EHMT1: variants seen among roughly 807,000 people sequenced by gnomAD.
EHMT1 encodes the protein euchromatic histone lysine methyltransferase 1, also known as histone-lysine N-methyltransferase EHMT1.
Under a neutral mutation model 147.2 loss-of-function variants are expected in EHMT1, and 15 were observed. The ratio of observed to expected loss-of-function variants is 0.10; its 90% CI spans 0.07 to 0.16. The LOEUF (loss-of-function observed/expected upper bound fraction) is 0.16. Among genes scored for constraint, EHMT1 ranks in the 10% least tolerant of loss-of-function variants. EHMT1 has a pLI of 1.00. For synonymous variants in EHMT1, 795 were observed against 709.6 expected (o/e 1.12, Z -1.91); for missense variants, 1,587 against 1,772.4 (o/e 0.90, Z 1.88).
intron 10 of EHMT1, chr9:137,764,010 G>A (rs1950043195): frequency 1.3e-5 from 2 of 152,656 alleles, no homozygotes; most frequent in Admixed American, 1.3e-4. Context: ...GATTCAGCAG[G>A]TCTGGCCTGG....
intron 3 of EHMT1, among the ~76,000 whole-genome samples, chr9:137,720,289 C>T (rs1403506141): frequency 6.6e-6 from 1 of 151,978 alleles, no homozygotes; most frequent in Non-Finnish European, 1.5e-5. Context: ...CTGCAGATTC[C>T]ATTTTTATAA....
At chr9:137,723,475 C>T (rs1465031088) in intron 3 of EHMT1, among the ~76,000 whole-genome samples, 3 of 137,236 alleles carry the variant, frequency 2.2e-5, no homozygotes, top group Admixed American at 1.4e-4. Flanking sequence ...GGCCTGAGCC[C>T]GGGGTGTGTC....
At chr9:137,723,908 A>G (rs1424056564) in intron 3 of EHMT1, among the ~76,000 whole-genome samples, 1 of 152,222 alleles carries the variant, frequency 6.6e-6, no homozygotes, top group Non-Finnish European at 1.5e-5. Context: ...AATCCCCATC[A>G]TAAAGCCCCA....
At chr9:137,633,844 A>G (rs2133667696) in intron 1 of EHMT1, among the ~76,000 whole-genome samples, 1 of 141,800 alleles carries the variant, frequency 7.1e-6, no homozygotes, top group African/African-American at 2.7e-5. Context: ...TTTTTTTGAG[A>G]CAGTCTCGCT....
At chr9:137,756,382 G>A (rs1157413401) in intron 8 of EHMT1, among the ~76,000 whole-genome samples, 1 of 152,200 alleles carries the variant, frequency 6.6e-6, no homozygotes, top group Non-Finnish European at 1.5e-5. Context: ...GTGTCACCGA[G>A]TGGCAGCACT....
At chr9:137,752,843 G>C (rs1385863196) in intron 7 of EHMT1, among the ~76,000 whole-genome samples, 1 of 152,150 alleles carries the variant, frequency 6.6e-6, no homozygotes, top group East Asian at 1.9e-4. Context: ...ACAGCTGTTT[G>C]GGATTCCGCT....
chr9:137,740,061 C>T (rs1275834225), intron 4 of EHMT1, among the ~76,000 whole-genome samples: 1 of 152,186 alleles, frequency 6.6e-6, no homozygotes, highest in South Asian at 2.1e-4. Flanking sequence ...TTTTCCCTCA[C>T]TTCCAACCTC....
chr9:137,807,970 C>CTT (rs1183461949), intron 18 of EHMT1, among the ~76,000 whole-genome samples: 2 of 152,150 alleles, frequency 1.3e-5, no homozygotes, highest in Non-Finnish European at 2.9e-5. Flanking sequence ...TTTTGCAAAA[C>CTT]TTGTATGGTG....
intron 6 of EHMT1, among the ~76,000 whole-genome samples, chr9:137,749,822 T>G (rs1948832292): frequency 6.6e-6 from 1 of 152,258 alleles, no homozygotes; most frequent in Non-Finnish European, 1.5e-5. Context: ...CATTGCCTTG[T>G]CTTGTTTTTA....
intron 1 of EHMT1, among the ~76,000 whole-genome samples, chr9:137,655,014 T>C (rs993569785): frequency 2.0e-5 from 3 of 151,766 alleles, no homozygotes; most frequent in East Asian, 1.9e-4. Flanking sequence ...TTTTTTTTTT[T>C]CGAGATGGAG....
chr9:137,729,328 C>T (rs1750452932), intron 4 of EHMT1, among the ~76,000 whole-genome samples: 1 of 152,166 alleles, frequency 6.6e-6, no homozygotes, highest in African/African-American at 2.4e-5. Context: ...GTGGCTCACG[C>T]CTGTAATCCC....
chr9:137,636,645 A>G (rs2133738508), intron 1 of EHMT1, among the ~76,000 whole-genome samples: 1 of 152,218 alleles, frequency 6.6e-6, no homozygotes, highest in Non-Finnish European at 1.5e-5. Flanking sequence ...CTATCTGTTG[A>G]CATGATTATG....
intron 3 of EHMT1, among the ~76,000 whole-genome samples, chr9:137,722,209 C>T (rs545802645): frequency 2.0e-5 from 3 of 152,146 alleles, no homozygotes; most frequent in Admixed American, 6.5e-5. Flanking sequence ...TATTTTTATT[C>T]GTGAGGATCT....
chr9:137,791,751 TG>T (rs1399103884), intron 16 of EHMT1, among the ~76,000 whole-genome samples: 2 of 152,166 alleles, frequency 1.3e-5, no homozygotes, highest in African/African-American at 4.8e-5. Flanking sequence ...TTTGTTTTTT[TG>T]AGACAGTCTT....
chr9:137,669,346 C>CTG (rs879343961), intron 1 of EHMT1, among the ~76,000 whole-genome samples: 1 of 12,690 alleles, frequency 7.9e-5, no homozygotes, highest in Admixed American at 7.1e-4. Context: ...GGACCCCACA[C>CTG]CACCCAAGAC....
Position 137,782,472 on chromosome 9 carries a change from G to A in EHMT1, c.2382+75G>A, listed in dbSNP as rs533019000. 4.1e-4 allele frequency: 560 copies of A among 1,381,030 alleles called. 3 individuals are homozygous for A. The highest frequency in any genetic ancestry group is 3.1e-4 in the Non-Finnish European group (314 of 1,008,026). 85.5% of individuals were successfully genotyped at this position (1,381,030 alleles called of 1,614,324 possible). A position where few individuals can be genotyped will look rare whatever the true frequency, so the allele number is the denominator to read the frequency against. ...TTTTACCAAAGTAAAATCATACCAC[G>A]TTCGCGGTTCTTCCAGTGTAAGAGT... On this transcript the variant is annotated intron_variant, in intron 15 of 26. Coordinates refer to ENST00000460843, the MANE Select transcript of EHMT1 (RefSeq NM_024757.5). The surrounding 1 kb of genome is among the most constrained non-coding windows in gnomAD (Gnocchi z 5.7).
rs1951997400 is a variant in EHMT1, at chr9:137,786,671, T to A, written c.2383-4177T>A. Reference sequence around the variant, plus strand: ...TTGGTCGTGTGGCGTCATCTCTCCCTCCGGCTCCGGTCTTGGTCTCATGTG... The same window carrying A: ...TTGGTCGTGTGGCGTCATCTCTCCCACCGGCTCCGGTCTTGGTCTCATGTG... On this transcript the variant is annotated intron_variant, in intron 15 of 26. Transcript: ENST00000460843. This position sits in a 1 kb window ranked among gnomAD's most constrained non-coding sequence, Gnocchi z 4.3. The A allele has an allele frequency of 6.5e-6, 1 of 153,882 alleles. No individual in the cohort carries two copies. 9.5% of individuals were successfully genotyped at this position (153,882 alleles called of 1,614,324 possible). A position where few individuals can be genotyped will look rare whatever the true frequency, so the allele number is the denominator to read the frequency against.
In EHMT1 at chr9:137,779,488, C is replaced by A. The variant is rs183417248; in HGVS notation, c.2193-147C>A. On this transcript the variant is annotated intron_variant, in intron 13 of 26. Coordinates refer to ENST00000460843, the MANE Select transcript of EHMT1 (RefSeq NM_024757.5). ...GGCTGGTGGGCAGACGTCTGCCGGG[C>A]CTTCCAGCCTTCAGCTTCATGTGTG... 35 of 790,478 alleles carry A rather than the reference C, an allele frequency of 4.4e-5. No homozygotes were observed. In the African/African-American group the frequency reaches 5.1e-4, roughly 12 times the overall value. The allele number at this position is 790,478 out of a possible 1,614,324, so 49.0% of individuals were successfully genotyped here. A position where few individuals can be genotyped will look rare whatever the true frequency, so the allele number is the denominator to read the frequency against.
Position 137,635,925 on chromosome 9 carries a change from AT to A in EHMT1, c.21+16888del, listed in dbSNP as rs893310841. ...GCTTTTATAAATAGAATTAAAAAAA[AT>A]TTTTTTTTTTTGAGATGGGGAGTCT... is the stretch of plus-strand genomic sequence containing the variant. On this transcript the variant is annotated intron_variant, in intron 1 of 26. Coordinates refer to ENST00000460843, the MANE Select transcript of EHMT1 (RefSeq NM_024757.5). Among the ~76,000 whole-genome samples the A allele has an allele frequency of 2.4e-3, 353 of 148,082 alleles. 1 individual carries two copies. The highest frequency in any genetic ancestry group is 7.1e-3 in the African/African-American group (287 of 40,544).
Sources: gnomAD v4.1 joint callset for allele counts (sites outside exome capture counted in the v4.1 genomes callset) on GRCh38, gnomAD v4.1.1 for gene constraint, Gnocchi (gnomAD v3.1) non-coding constraint, MANE v1.5 for transcripts, NCBI Gene and HGNC (gene_info 2026-07-23, HGNC 2026-07-21) for gene names.